Variants in MEGF10 observed in about 807,000 individuals in gnomAD.
MEGF10 encodes multiple EGF like domains 10, also known as multiple epidermal growth factor-like domains protein 10.
A neutral mutation model predicts 147.5 loss-of-function variants in MEGF10; 86 were observed. That is an observed-to-expected ratio of 0.58 (90% CI 0.49 to 0.70). The LOEUF (loss-of-function observed/expected upper bound fraction) is 0.70, where lower values mean the gene tolerates loss of function less well. Among genes scored for constraint, MEGF10 ranks in the 30% least tolerant of loss-of-function variants. The pLI is 0.00. For synonymous variants in MEGF10, 478 were observed against 525.5 expected (o/e 0.91, Z 1.24); for missense variants, 1,329 against 1,487.3 (o/e 0.89, Z 1.75).
intron 13 of MEGF10, chr5:127,424,649 T>C: frequency 4.8e-6 from 5 of 1,042,322 alleles, no homozygotes; most frequent in Non-Finnish European, 6.1e-6. Flanking sequence ...GGAAACAGGC[T>C]AAGGCTGGTG....
rs1262767622 is a variant in MEGF10, at chr5:127,331,403, A to G, written c.95A>G (p.Asn32Ser). The G allele has an allele frequency of 6.2e-7, 1 of 1,609,114 alleles. No individual in the cohort carries two copies. The highest frequency in any genetic ancestry group is 8.5e-7 in the Non-Finnish European group (1 of 1,175,786). Reference protein sequence around the residue: ...TASPLNLEDPNVCSHWESYSV... With the variant: ...TASPLNLEDPSVCSHWESYSV... ...TCACCTCTGAATCTTGAAGACCCTAATGTGTGTAGCCACTGGGAAAGGTAA... is the reference window on the plus strand; with the variant it reads ...TCACCTCTGAATCTTGAAGACCCTAGTGTGTGTAGCCACTGGGAAAGGTAA... The change falls in exon 2 of 25, where the codon AAT becomes AGT. Residue 32 changes from asparagine to serine, a missense_variant. By Grantham distance (46) the Asn-to-Ser change is conservative. Coordinates refer to ENST00000503335, the MANE Select transcript of MEGF10 (RefSeq NM_001256545.2).
chr5:127,391,089 C>CGCGCGT (rs1219639581), intron 5 of MEGF10, among the ~76,000 whole-genome samples: 1 of 22,620 alleles, frequency 4.4e-5, no homozygotes, highest in South Asian at 1.3e-3. Context: ...TACACACATG[C>CGCGCGT]GCGCGCGCGC....
At chr5:127,407,465 T>C (rs1432940018) in intron 8 of MEGF10, among the ~76,000 whole-genome samples, 1 of 152,226 alleles carries the variant, frequency 6.6e-6, no homozygotes, top group Non-Finnish European at 1.5e-5. Context: ...TCACTGGTTT[T>C]GGGAATTGAT....
In MEGF10 at chr5:127,447,698, G is replaced by A; in HGVS notation, c.2856+14G>A. 1 of 1,613,940 alleles carries A rather than the reference G, an allele frequency of 6.2e-7. No homozygotes were observed. Among genetic ancestry groups the A allele is most frequent in the Non-Finnish European group, 8.5e-7 (1 of 1,179,876 alleles). ...ACTGTCACGAAGGTGAGAGGAATTG[G>A]TTCAAGTCTTTGGAAGTGGGCTGGG... On this transcript the variant is annotated intron_variant, in intron 21 of 24. Coordinates refer to ENST00000503335, the MANE Select transcript of MEGF10 (RefSeq NM_001256545.2).
intron 1 of MEGF10, among the ~76,000 whole-genome samples, chr5:127,307,013 A>G (rs1760044558): frequency 6.6e-6 from 1 of 152,200 alleles, no homozygotes; most frequent in Non-Finnish European, 1.5e-5. Context: ...TTCAAGGCCA[A>G]TGTCACTAAT....
Position 127,360,427 on chromosome 5 carries a change from T to C in MEGF10, c.320-9483T>C, listed in dbSNP as rs181393263. On this transcript the variant is annotated intron_variant, in intron 4 of 24. Transcript: ENST00000503335. ...ACATATATTTACATAGTCTGTAAAT[T>C]AAGGCAGTTTTACTTCTTCCTTCCT... Among the ~76,000 whole-genome samples, 370 of 152,104 alleles carry C rather than the reference T, an allele frequency of 2.4e-3. 2 individuals carry two copies. The highest frequency in any genetic ancestry group is 3.5e-3 in the South Asian group (17 of 4,832).
chr5:127,312,080 C>A (rs528925998), intron 1 of MEGF10, among the ~76,000 whole-genome samples: 4 of 152,316 alleles, frequency 2.6e-5, no homozygotes, highest in Non-Finnish European at 4.4e-5. Context: ...AGCTCAGCCC[C>A]CACCTCGTCT....
the MEGF10 span, among the ~76,000 whole-genome samples, chr5:127,253,597 G>A: frequency 2.6e-5 from 4 of 151,948 alleles, no homozygotes; most frequent in Admixed American, 6.6e-5. Flanking sequence ...AGGAGATAGA[G>A]AGAGGCATTT....
intron 4 of MEGF10, among the ~76,000 whole-genome samples, chr5:127,360,777 T>C (rs1014979959): frequency 4.6e-5 from 7 of 151,804 alleles, no homozygotes; most frequent in African/African-American, 1.7e-4. Context: ...CTACTTAGGT[T>C]ATATATATGT....
At chr5:127,268,430 A>T in the MEGF10 span, among the ~76,000 whole-genome samples, 2 of 152,228 alleles carry the variant, frequency 1.3e-5, no homozygotes, top group Non-Finnish European at 2.9e-5. Flanking sequence ...GATGTCTGTT[A>T]GGTCCGCTTG....
At chr5:127,387,944 G>C (rs1763495043) in intron 5 of MEGF10, among the ~76,000 whole-genome samples, 1 of 152,048 alleles carries the variant, frequency 6.6e-6, no homozygotes, top group African/African-American at 2.4e-5. Flanking sequence ...GAATTTTGAT[G>C]ATGATTTTCT....
the MEGF10 span, among the ~76,000 whole-genome samples, chr5:127,240,023 C>T: frequency 6.6e-6 from 1 of 152,178 alleles, no homozygotes; most frequent in African/African-American, 2.4e-5. Context: ...CACACAAGCC[C>T]TGCCTGAAAC....
intron 12 of MEGF10, 149 bp from the exon 13 acceptor site, chr5:127,422,521 A>G (rs1765051381): frequency 1.6e-6 from 1 of 614,830 alleles, no homozygotes; most frequent in Admixed American, 3.0e-5. Context: ...CTCAAAAAAA[A>G]AGAAAAAAAT....
intron 8 of MEGF10, among the ~76,000 whole-genome samples, chr5:127,403,204 A>G (rs1437371252): frequency 6.6e-6 from 1 of 152,206 alleles, no homozygotes; most frequent in Non-Finnish European, 1.5e-5. Context: ...TGCGGGTCTT[A>G]CTGCCGCTGT....
At chr5:127,435,598 T>A in intron 16 of MEGF10, 109 bp downstream of exon 16, 1 of 1,072,800 alleles carries the variant, frequency 9.3e-7, no homozygotes, top group Non-Finnish European at 1.3e-6. Context: ...AATATATGAC[T>A]AATTAAAAGA....
At chr5:127,343,516 G>T (rs375974471) in intron 4 of MEGF10, among the ~76,000 whole-genome samples, 3 of 152,018 alleles carry the variant, frequency 2.0e-5, no homozygotes, top group Admixed American at 2.0e-4. Context: ...GGCTGTCTTC[G>T]TTATCAAGTG....
intron 22 of MEGF10, among the ~76,000 whole-genome samples, chr5:127,450,505 A>G (rs1043530043): frequency 2.6e-5 from 4 of 152,188 alleles, no homozygotes; most frequent in Non-Finnish European, 5.9e-5. Flanking sequence ...CAGGAGTTTG[A>G]TGATGTAGTA....
At chr5:127,324,152 G>A (rs1760906251) in intron 1 of MEGF10, among the ~76,000 whole-genome samples, 1 of 151,496 alleles carries the variant, frequency 6.6e-6, no homozygotes, top group Non-Finnish European at 1.5e-5. Flanking sequence ...TAGCAGCGTT[G>A]AAAAAAAGAG....
At chr5:127,267,736 G>T in the MEGF10 span, among the ~76,000 whole-genome samples, 1 of 152,088 alleles carries the variant, frequency 6.6e-6, no homozygotes, top group African/African-American at 2.4e-5. Context: ...CTCTCTGATG[G>T]TAGTTTGTAT....
Sources: allele counts gnomAD v4.1 joint callset (sites outside exome capture counted in the v4.1 genomes callset), GRCh38; gene constraint gnomAD v4.1.1; transcripts MANE v1.5; gene names NCBI Gene and HGNC (gene_info 2026-07-23, HGNC 2026-07-21).